The following PCDH9 variants were observed in gnomAD, a reference collection of about 807,000 sequenced individuals.
PCDH9 encodes protocadherin 9.
Under a neutral mutation model 70.6 loss-of-function variants are expected in PCDH9, and 24 were observed. The observed-to-expected ratio is 0.34, with a 90% CI of 0.25 to 0.48. The LOEUF is 0.48. PCDH9 is among the 20% of genes least tolerant of loss of function. The pLI, the probability that PCDH9 is intolerant of heterozygous loss-of-function variation, is 0.99. For synonymous variants in PCDH9, 562 were observed against 558.5 expected (o/e 1.01, Z -0.09); for missense variants, 1,281 against 1,503.6 (o/e 0.85, Z 2.45).
intron 3 of PCDH9, among the ~76,000 whole-genome samples, chr13:66,878,102 A>G (rs2081851093): frequency 6.6e-6 from 1 of 152,208 alleles, no homozygotes; most frequent in East Asian, 1.9e-4. Flanking sequence ...CTGAGTTCTA[A>G]GGGAGAAAAA....
intron 3 of PCDH9, among the ~76,000 whole-genome samples, chr13:66,829,313 G>A (rs1327540210): frequency 6.6e-6 from 1 of 152,058 alleles, no homozygotes; most frequent in African/African-American, 2.4e-5. Flanking sequence ...CATCGCTCCC[G>A]GCCGGGAATC....
In PCDH9 at chr13:66,849,517, T is replaced by TATAGAG. The variant is rs1272589939; in HGVS notation, c.3138+53986_3138+53987insCTCTAT. On this transcript the variant is annotated intron_variant, in intron 3 of 4. Coordinates refer to ENST00000377865, the MANE Select transcript of PCDH9 (RefSeq NM_203487.3). ...ATATATATATATATATATATATATA[T>TATAGAG]AGAGAGAGAGAGAGAGAGAGAGAGA... Among the ~76,000 whole-genome samples, 382 of 63,534 alleles carry TATAGAG rather than the reference T, an allele frequency of 6.0e-3. 5 individuals are homozygous for TATAGAG. Among genetic ancestry groups the TATAGAG allele is most frequent in the East Asian group, 0.024 (44 of 1,838 alleles). 41.7% of individuals were successfully genotyped at this position (63,534 alleles called of 152,430 possible).
chr13:66,849,442 G>A (rs1221087391), intron 3 of PCDH9, among the ~76,000 whole-genome samples: 2 of 142,418 alleles, frequency 1.4e-5, no homozygotes, highest in East Asian at 2.1e-4. Flanking sequence ...GACTATATAT[G>A]ACTATATATG....
intron 4 of PCDH9, among the ~76,000 whole-genome samples, chr13:66,389,259 C>A (rs991388610): frequency 6.6e-6 from 1 of 152,046 alleles, no homozygotes; most frequent in Non-Finnish European, 1.5e-5. Flanking sequence ...ATTCACTTTT[C>A]TTCATTTTCC....
chr13:66,793,474 T>C, intron 3 of PCDH9, among the ~76,000 whole-genome samples: 1 of 152,164 alleles, frequency 6.6e-6, no homozygotes, highest in East Asian at 1.9e-4. Flanking sequence ...TACCATTATA[T>C]TGGCTTTAGT....
At chr13:66,686,080 G>C (rs1170920002) in intron 3 of PCDH9, among the ~76,000 whole-genome samples, 1 of 152,162 alleles carries the variant, frequency 6.6e-6, no homozygotes, top group Non-Finnish European at 1.5e-5. Context: ...GTGAGGTCAT[G>C]AGATTTGGGA....
chr13:66,581,481 CAAT>C (rs1160324793), intron 4 of PCDH9, among the ~76,000 whole-genome samples: 1 of 152,102 alleles, frequency 6.6e-6, no homozygotes, highest in African/African-American at 2.4e-5. Context: ...CCCTGAAGTA[CAAT>C]GTTATCAGAG....
chr13:67,063,656 A>G (rs939629628), intron 2 of PCDH9, among the ~76,000 whole-genome samples: 1 of 152,138 alleles, frequency 6.6e-6, no homozygotes, highest in African/African-American at 2.4e-5. Flanking sequence ...AAACAATAGC[A>G]AAATGCCTGT....
chr13:66,791,239 C>A (rs1295821130), intron 3 of PCDH9, among the ~76,000 whole-genome samples: 6 of 151,980 alleles, frequency 3.9e-5, no homozygotes, highest in Non-Finnish European at 8.8e-5. Context: ...GTAGGTGAGT[C>A]ATAAAACACA....
intron 4 of PCDH9, among the ~76,000 whole-genome samples, chr13:66,531,013 T>C (rs764911800): frequency 2.6e-5 from 4 of 152,038 alleles, no homozygotes; most frequent in Non-Finnish European, 2.9e-5. Flanking sequence ...GTTTTTCCCA[T>C]GCTTATTATC....
At chr13:67,174,524 G>A (rs7324857) in intron 2 of PCDH9, among the ~76,000 whole-genome samples, 102,956 of 152,030 alleles carry the variant, frequency 0.68, 35,838 homozygotes, top group Non-Finnish European at 0.77. Flanking sequence ...TTCGTCAGGT[G>A]AGCACGAGTG....
intron 4 of PCDH9, among the ~76,000 whole-genome samples, chr13:66,580,368 A>G (rs1180013254): frequency 1.3e-5 from 2 of 152,082 alleles, no homozygotes; most frequent in African/African-American, 4.8e-5. Flanking sequence ...TATCCTCGAT[A>G]CCTATCATTC....
chr13:66,335,232 C>T (rs2774173), intron 4 of PCDH9, among the ~76,000 whole-genome samples: 148,193 of 152,238 alleles, frequency 0.97, 72,260 homozygotes, highest in Middle Eastern at 1. Context: ...CAAACTCAAC[C>T]TCTACTTACG....
At chr13:66,395,430 G>A (rs938414737) in intron 4 of PCDH9, among the ~76,000 whole-genome samples, 12 of 151,788 alleles carry the variant, frequency 7.9e-5, no homozygotes, top group Non-Finnish European at 1.2e-4. Flanking sequence ...GTGAAACCCC[G>A]TCTCTACCAA....
chr13:66,969,296 T>C (rs2083479077), intron 2 of PCDH9, among the ~76,000 whole-genome samples: 1 of 151,998 alleles, frequency 6.6e-6, no homozygotes, highest in Non-Finnish European at 1.5e-5. Flanking sequence ...CATTTAAGCC[T>C]TTTTGGAATT....
intron 3 of PCDH9, among the ~76,000 whole-genome samples, chr13:66,673,418 C>G (rs1370598322): frequency 5.3e-5 from 8 of 152,098 alleles, no homozygotes; most frequent in African/African-American, 1.9e-4. Flanking sequence ...ATAAGTTACC[C>G]AGTCTTGGAT....
At chr13:66,508,773 A>G (rs188908700) in intron 4 of PCDH9, among the ~76,000 whole-genome samples, 1 of 152,318 alleles carries the variant, frequency 6.6e-6, no homozygotes, top group Non-Finnish European at 1.5e-5. Flanking sequence ...AGATATACTG[A>G]TATCCAATCT....
chr13:66,740,516 C>T (rs866720276), intron 3 of PCDH9, among the ~76,000 whole-genome samples: 17 of 143,272 alleles, frequency 1.2e-4, no homozygotes, highest in African/African-American at 4.1e-4. Flanking sequence ...GAAATAGAGA[C>T]ACAAAAAACC....
chr13:67,078,074 G>A (rs1237425933), intron 2 of PCDH9, among the ~76,000 whole-genome samples: 1 of 152,012 alleles, frequency 6.6e-6, no homozygotes, highest in Non-Finnish European at 1.5e-5. Flanking sequence ...TGGCATTCCT[G>A]CAGATGGCTG....
Sources: gnomAD v4.1 joint callset for allele counts (sites outside exome capture counted in the v4.1 genomes callset) on GRCh38, gnomAD v4.1.1 for gene constraint, MANE v1.5 for transcripts, NCBI Gene and HGNC (gene_info 2026-07-23, HGNC 2026-07-21) for gene names.